Variants in DDR2 observed in about 807,000 individuals in gnomAD.
DDR2 encodes the protein discoidin domain-containing receptor 2.
Under a neutral mutation model 94.9 loss-of-function variants are expected in DDR2, and 27 were observed. The ratio of observed to expected loss-of-function variants is 0.28; its 90% CI spans 0.21 to 0.39. DDR2 has a LOEUF of 0.39. Ranked by LOEUF, DDR2 falls within the 10% of genes least tolerant of loss-of-function variation. DDR2 has a pLI of 1.00. For synonymous variants in DDR2, 382 were observed against 377.2 expected (o/e 1.01, Z -0.15); for missense variants, 783 against 1,076.0 (o/e 0.73, Z 3.81).
intron 13 of DDR2, among the ~76,000 whole-genome samples, chr1:162,772,652 TG>T (rs1339885902): frequency 6.6e-6 from 1 of 152,212 alleles, no homozygotes; most frequent in African/African-American, 2.4e-5. Context: ...ATATGTAAAA[TG>T]GTCAAAAACA....
chr1:162,690,952 A>C (rs1054590875), intron 2 of DDR2, among the ~76,000 whole-genome samples: 41 of 152,238 alleles, frequency 2.7e-4, no homozygotes, highest in African/African-American at 9.1e-4. Flanking sequence ...TCTTTCACCA[A>C]GTTTTGGCTC....
At chr1:162,704,155 T>G (rs1660550763) in intron 2 of DDR2, among the ~76,000 whole-genome samples, 1 of 152,228 alleles carries the variant, frequency 6.6e-6, no homozygotes, top group African/African-American at 2.4e-5. Context: ...GCAAATCTTT[T>G]ATCGATTTTC....
At chr1:162,778,486 G>T (rs922202368) in intron 16 of DDR2, 94 bp from the exon 17 acceptor site, 3 of 1,486,354 alleles carry the variant, frequency 2.0e-6, no homozygotes, top group Non-Finnish European at 9.4e-7. Flanking sequence ...TGCCTGTGGT[G>T]GGGGAAGGGG....
At chr1:162,692,401 T>A (rs911503862) in intron 2 of DDR2, among the ~76,000 whole-genome samples, 4 of 152,230 alleles carry the variant, frequency 2.6e-5, no homozygotes, top group Non-Finnish European at 5.9e-5. Flanking sequence ...TCAGAGGAAC[T>A]GTTTGGAACA....
At chr1:162,741,266 A>ATG (rs1558057634) in intron 3 of DDR2, among the ~76,000 whole-genome samples, 6,990 of 93,860 alleles carry the variant, frequency 0.074, 218 homozygotes, top group Middle Eastern at 0.1. Flanking sequence ...ATGTAATGTA[A>ATG]TATAATATAA....
At position 162,708,825 on chromosome 1, in the gene DDR2, A is replaced by G. The variant is rs535079740; in HGVS notation, c.-27-10212A>G. Among the ~76,000 whole-genome samples, 9 of 152,344 alleles carry G rather than the reference A, an allele frequency of 5.9e-5. No individual in the cohort carries two copies. The South Asian group carries it at 1.9e-3, about 32-fold the overall frequency. On this transcript the variant is annotated intron_variant, in intron 2 of 17. Coordinates refer to ENST00000367921, the MANE Select transcript of DDR2 (RefSeq NM_006182.4). ...ACCAACCTACACATATTCTCTGAGT[A>G]CTTACTGAGTACTTACTATATAGGT...
At chr1:162,685,295 A>G (rs1659632493) in intron 2 of DDR2, among the ~76,000 whole-genome samples, 2 of 152,210 alleles carry the variant, frequency 1.3e-5, no homozygotes, top group East Asian at 1.9e-4. Context: ...CATAGAATGT[A>G]TGAATGAAAT....
intron 9 of DDR2, among the ~76,000 whole-genome samples, chr1:162,764,544 A>G (rs77084329): frequency 6.6e-6 from 1 of 152,158 alleles, no homozygotes; most frequent in Non-Finnish European, 1.5e-5. Flanking sequence ...AAAATAACAT[A>G]AAAGAGAGGA....
chr1:162,775,671 A>T lies in DDR2; in HGVS notation c.1876A>T (p.Ile626Leu). The T allele has an allele frequency of 6.2e-7, 1 of 1,614,040 alleles. No individual in the cohort carries two copies. The highest frequency in any genetic ancestry group is 8.5e-7 in the Non-Finnish European group (1 of 1,179,980). Residue 626 changes from isoleucine (I) to leucine (L), a missense_variant, in exon 15 of 18, where the codon ATA becomes TTA. Physicochemically the swap from Ile to Leu is conservative, Grantham distance 5 (BLOSUM62 2). Transcript: ENST00000367921. ...KNARNDFLKE[I>L]KIMSRLKDPN... ...CCCAAGGAATGATTTTCTTAAGGAG[A>T]TAAAGATCATGTCTCGGCTCAAGGA...
chr1:162,776,075 G>A (rs781669986), intron 15 of DDR2, 61 bp from the exon 16 acceptor site: 5 of 1,465,040 alleles, frequency 3.4e-6, no homozygotes, highest in Non-Finnish European at 4.8e-6. Context: ...TTTAGAATGT[G>A]TACCTTTCAC....
chr1:162,685,975 T>C (rs1361161606), intron 2 of DDR2, among the ~76,000 whole-genome samples: 1 of 152,162 alleles, frequency 6.6e-6, no homozygotes, highest in East Asian at 1.9e-4. Flanking sequence ...AGGCAAAGAA[T>C]AACCGAAGAA....
rs1663373573 is a variant in DDR2 at position 162,754,735 on chromosome 1, G to A, written c.297G>A (p.Leu99=). The A allele has an allele frequency of 1.2e-6, 2 of 1,614,116 alleles. No homozygotes were observed. Among genetic ancestry groups the A allele is most frequent in the Non-Finnish European group, 1.7e-6 (2 of 1,180,006 alleles). Residue 99 remains leucine, a synonymous_variant, in exon 5 of 18, where the codon CTG becomes CTA. Transcript: ENST00000367921. ...IDLHTLHFIT[L]VGTQGRHAGG... is the part of the protein sequence containing the mutation. Reference sequence around the variant, plus strand: ...TGCACACCCTCCATTTTATCACTCTGGTGGGGACCCAGGGGCGCCATGCAG... The same window carrying A: ...TGCACACCCTCCATTTTATCACTCTAGTGGGGACCCAGGGGCGCCATGCAG...
At chr1:162,755,385 G>C in intron 6 of DDR2, 82 bp downstream of exon 6, 4 of 1,546,942 alleles carry the variant, frequency 2.6e-6, no homozygotes, top group Non-Finnish European at 3.5e-6. Flanking sequence ...ATCAGAAAGG[G>C]ATGGGATCAG....
intron 9 of DDR2, among the ~76,000 whole-genome samples, chr1:162,764,835 A>C (rs917151065): frequency 6.6e-6 from 1 of 151,960 alleles, no homozygotes; most frequent in Admixed American, 6.6e-5. Flanking sequence ...TAAAAAAAAA[A>C]AAAAAGAAAG....
At chr1:162,700,345 T>C (rs2101993437) in intron 2 of DDR2, among the ~76,000 whole-genome samples, 1 of 152,314 alleles carries the variant, frequency 6.6e-6, no homozygotes, top group Middle Eastern at 3.4e-3. Context: ...TATTGGGCTA[T>C]TGTGGACCCC....
At chr1:162,718,897 C>T (rs971880135) in intron 2 of DDR2, 140 bp from the exon 3 acceptor site, 9 of 769,714 alleles carry the variant, frequency 1.2e-5, no homozygotes, top group South Asian at 1.6e-5. Flanking sequence ...GTCTGTGATT[C>T]GAAGTCCCAT....
At chr1:162,709,615 A>T (rs1660808317) in intron 2 of DDR2, among the ~76,000 whole-genome samples, 1 of 152,222 alleles carries the variant, frequency 6.6e-6, no homozygotes, top group Non-Finnish European at 1.5e-5. Context: ...ACAGTCCCTC[A>T]GGCTGACCCT....
In DDR2 at chr1:162,759,919, C is replaced by A; in HGVS notation, c.795C>A (p.Thr265=). ...DYVGWRNESA[T]NGYIEIMFEF... ...TGGGCTGGCGGAACGAGAGTGCCAC[C>A]AATGGCTACATTGAGATCATGTTTG... Residue 265 remains threonine, a synonymous_variant, in exon 8 of 18, where the codon ACC becomes ACA. Coordinates refer to ENST00000367921, the MANE Select transcript of DDR2 (RefSeq NM_006182.4). The A allele has an allele frequency of 6.2e-7, 1 of 1,614,174 alleles. No homozygotes were observed. Among genetic ancestry groups the A allele is most frequent in the Non-Finnish European group, 8.5e-7 (1 of 1,180,018 alleles).
intron 3 of DDR2, among the ~76,000 whole-genome samples, chr1:162,732,593 C>T (rs997128649): frequency 6.6e-6 from 1 of 152,216 alleles, no homozygotes; most frequent in Non-Finnish European, 1.5e-5. Flanking sequence ...TGCTTCTGGG[C>T]TCCAACGTTT....
Sources: allele counts gnomAD v4.1 joint callset (sites outside exome capture counted in the v4.1 genomes callset), GRCh38; gene constraint gnomAD v4.1.1; transcripts MANE v1.5; gene names NCBI Gene and HGNC (gene_info 2026-07-23, HGNC 2026-07-21).